Variants in DNAH17 observed in about 807,000 individuals in gnomAD.
DNAH17 encodes the protein axonemal beta dynein heavy chain 17.
A neutral mutation model predicts 485.6 loss-of-function variants in DNAH17; 376 were observed. The ratio of observed to expected loss-of-function variants is 0.77; its 90% CI spans 0.71 to 0.84. The LOEUF is 0.84. DNAH17 is among the 40% of genes least tolerant of loss of function. The pLI is 0.00. For synonymous variants in DNAH17, 3,031 were observed against 2,405.9 expected (o/e 1.26, Z -7.60); for missense variants, 6,370 against 5,839.3 (o/e 1.09, Z -2.96).
At chr17:78,488,360 G>A (rs764353385) in intron 44 of DNAH17, among the ~76,000 whole-genome samples, 4 of 152,102 alleles carry the variant, frequency 2.6e-5, no homozygotes, top group South Asian at 2.1e-4. Context: ...TCTGCTTCTC[G>A]CCCATTTCCA....
At chr17:78,506,549 T>C (rs1197447678) in intron 30 of DNAH17, among the ~76,000 whole-genome samples, 171 bp downstream of exon 30, 1 of 152,194 alleles carries the variant, frequency 6.6e-6, no homozygotes, top group African/African-American at 2.4e-5. Context: ...CTGCCACGTT[T>C]CTGCCATGGC....
At chr17:78,488,061 C>A (rs181126403) in intron 44 of DNAH17, among the ~76,000 whole-genome samples, 1 of 145,724 alleles carries the variant, frequency 6.9e-6, no homozygotes, top group Non-Finnish European at 1.5e-5. Flanking sequence ...ATTTGCAAAT[C>A]TACGCAGAGG....
chr17:78,491,084 T>C lies in DNAH17; in HGVS notation c.6670-237A>G, dbSNP rs542288606. On this transcript the variant is annotated intron_variant, in intron 43 of 80. Coordinates refer to ENST00000389840, the MANE Select transcript of DNAH17 (RefSeq NM_173628.4). ...GCTGCAGCATGGAGTCAGGGCTGCT[T>C]TCTCAAACCATCACCCCTCCCCATC... Among the ~76,000 whole-genome samples the C allele has an allele frequency of 5.4e-4, 82 of 152,310 alleles. 1 individual carries two copies. The highest frequency in any genetic ancestry group is 1.9e-3 in the African/African-American group (77 of 41,564).
chr17:78,470,129 A>G (rs904538028), intron 54 of DNAH17, among the ~76,000 whole-genome samples: 1 of 130,028 alleles, frequency 7.7e-6, no homozygotes, highest in African/African-American at 3.0e-5. Flanking sequence ...GCTGGAGTGC[A>G]GTGTCGCGAT....
At position 78,444,795 on chromosome 17, in the gene DNAH17, G is replaced by A. The variant is rs2087211429; in HGVS notation, c.11337C>T (p.Ala3779=). 6.4e-7 allele frequency: 1 copy of A among 1,565,134 alleles called. No homozygotes were observed. The highest frequency in any genetic ancestry group is 8.6e-7 in the Non-Finnish European group (1 of 1,157,904). ...TTTTGAACTCATCCATCTCCGAGAG[G>A]GCCTAGGGGCAGAGGCAGCGGGCCC... is the stretch of plus-strand genomic sequence containing the variant. The part of the protein sequence containing the change: ...LQHQGWGGIK[A]LSEMDEFKNL... The change falls in exon 71 of 81, where the codon GCC becomes GCT. Residue 3779 remains alanine, a splice_region_variant and synonymous_variant. Transcript: ENST00000389840.
intron 17 of DNAH17, among the ~76,000 whole-genome samples, chr17:78,540,350 T>G (rs1460191736): frequency 2.8e-3 from 163 of 59,208 alleles, no homozygotes; most frequent in Non-Finnish European, 3.5e-3. Context: ...GTGGGTGGGG[T>G]GGGTGGATGG....
intron 32 of DNAH17, 48 bp from the exon 33 acceptor site, chr17:78,502,746 G>C (rs747794414): frequency 6.3e-7 from 1 of 1,597,692 alleles, no homozygotes; most frequent in Non-Finnish European, 8.5e-7. Flanking sequence ...GATCGCTGGC[G>C]CCTGCTAACG....
At chr17:78,519,404 G>A (rs987950743) in intron 25 of DNAH17, among the ~76,000 whole-genome samples, 2 of 152,088 alleles carry the variant, frequency 1.3e-5, no homozygotes, top group Non-Finnish European at 2.9e-5. Context: ...ACTAGAAAAT[G>A]AGCAAGATAA....
chr17:78,577,021 T>C (rs1303901731), intron 1 of DNAH17, among the ~76,000 whole-genome samples: 1 of 152,134 alleles, frequency 6.6e-6, no homozygotes, highest in Non-Finnish European at 1.5e-5. Flanking sequence ...AAGCTGGGGC[T>C]AGGGGCTTCC....
chr17:78,462,957 G>C lies in DNAH17; in HGVS notation c.9061C>G (p.Leu3021Val), dbSNP rs191885668. Residue 3021 changes from leucine (L) to valine (V), a missense_variant, in exon 57 of 81, where the codon CTG becomes GTG. Transcript: ENST00000389840. Reference sequence around the variant, plus strand: ...TTCTGGTACAGTTTGATCTGCTCCAGAAAGGTTTTGGGTGTGGTGTAGTTG... The same window carrying C: ...TTCTGGTACAGTTTGATCTGCTCCACAAAGGTTTTGGGTGTGGTGTAGTTG... ...RYNYTTPKTF[L>V]EQIKLYQNLL... 7.4e-6 allele frequency: 12 copies of C among 1,613,894 alleles called. No individual in the cohort carries two copies. In the Admixed American group the frequency reaches 1.2e-4, roughly 16 times the overall value.
intron 41 of DNAH17, 153 bp downstream of exon 41, chr17:78,493,883 T>C: frequency 8.8e-7 from 1 of 1,132,404 alleles, no homozygotes; most frequent in Non-Finnish European, 1.2e-6. Flanking sequence ...GCCCCCAGCT[T>C]CCTCCCTGGC....
chr17:78,463,026 C>T lies in DNAH17; in HGVS notation c.8992G>A (p.Val2998Ile), dbSNP rs569441390. The change falls in exon 57 of 81, where the codon GTC becomes ATC. Residue 2998 changes from valine to isoleucine, a missense_variant. By Grantham distance (29) the Val-to-Ile change is conservative. Coordinates refer to ENST00000389840, the MANE Select transcript of DNAH17 (RefSeq NM_173628.4). Reference protein sequence around the residue: ...SFFMSYVHTTVNEMSRVYLAT... With the variant: ...SFFMSYVHTTINEMSRVYLAT... Reference sequence around the variant, plus strand: ...AGGTATACCCTGGACATCTCGTTGACGGTGGTGTGCACGTAGGACATGAAG... The same window carrying T: ...AGGTATACCCTGGACATCTCGTTGATGGTGGTGTGCACGTAGGACATGAAG... The T allele has an allele frequency of 1.7e-5, 27 of 1,613,926 alleles. No individual in the cohort carries two copies. The East Asian group carries it at 3.8e-4, about 23-fold the overall frequency.
chr17:78,451,869 T>C (rs1219156624), intron 65 of DNAH17, among the ~76,000 whole-genome samples, 196 bp from the exon 66 acceptor site: 1 of 152,124 alleles, frequency 6.6e-6, no homozygotes, highest in Non-Finnish European at 1.5e-5. Context: ...TTCTGGGAGA[T>C]GCACCTGCTC....
chr17:78,463,406 G>A lies in DNAH17; in HGVS notation c.8941-329C>T, dbSNP rs567511275. ...TACCTGCATATATACGCGTGCACAC[G>A]CATTCACATACCTGCATATATACAC... On this transcript the variant is annotated intron_variant, in intron 56 of 80. Transcript: ENST00000389840. 1.5e-3 allele frequency among the ~76,000 whole-genome samples: 221 copies of A among 150,022 alleles called. 1 individual carries two copies. Among genetic ancestry groups the A allele is most frequent in the African/African-American group, 5.3e-3 (208 of 39,520 alleles).
chr17:78,473,199 T>TA (rs1403221884), intron 54 of DNAH17, among the ~76,000 whole-genome samples: 3 of 152,196 alleles, frequency 2.0e-5, no homozygotes, highest in East Asian at 3.9e-4. Context: ...CAGGAACTTA[T>TA]AGCCCTGTTT....
intron 16 of DNAH17, among the ~76,000 whole-genome samples, chr17:78,549,988 G>T (rs2091862562): frequency 1.3e-5 from 2 of 152,232 alleles, no homozygotes; most frequent in African/African-American, 4.8e-5. Flanking sequence ...AGAAAGGACA[G>T]AGACCCCTTG....
chr17:78,522,189 G>T, intron 25 of DNAH17: 1 of 162,422 alleles, frequency 6.2e-6, no homozygotes, highest in Non-Finnish European at 1.3e-5. Context: ...GCTGCAGAGG[G>T]AAGGAGCTCC....
chr17:78,485,751 A>G lies in DNAH17; in HGVS notation c.7282T>C (p.Leu2428=). ...CGGATGGTTTCCGTGGTGTGGACCA[A>G]AGAGGCCTGGGGCAGGGGAGGGAAG... The part of the protein sequence containing the change: ...LDPDVPLQAS[L]VHTTETIRIR... Residue 2428 remains leucine (L), a synonymous_variant, in exon 47 of 81, where the codon TTG becomes CTG. Transcript: ENST00000389840. The G allele has an allele frequency of 4.3e-6, 7 of 1,609,570 alleles. No homozygotes were observed. Among genetic ancestry groups the G allele is most frequent in the Non-Finnish European group, 5.9e-6 (7 of 1,179,672 alleles).
At chr17:78,432,606 G>A (rs980047879) in intron 75 of DNAH17, among the ~76,000 whole-genome samples, 1 of 152,222 alleles carries the variant, frequency 6.6e-6, no homozygotes, top group Non-Finnish European at 1.5e-5. Flanking sequence ...AGGAGGCTCT[G>A]TCACAGCCTC....
Sources: gnomAD v4.1 joint callset for allele counts (sites outside exome capture counted in the v4.1 genomes callset) on GRCh38, gnomAD v4.1.1 for gene constraint, MANE v1.5 for transcripts, NCBI Gene and HGNC (gene_info 2026-07-23, HGNC 2026-07-21) for gene names.